CNTN4: variants seen among roughly 807,000 people sequenced by gnomAD.
CNTN4 encodes the protein contactin 4.
A neutral mutation model predicts 122.5 loss-of-function variants in CNTN4; 77 were observed. The observed-to-expected ratio is 0.63, with a 90% CI of 0.52 to 0.76. The LOEUF (loss-of-function observed/expected upper bound fraction) is 0.76. Ranked by LOEUF, CNTN4 falls within the 30% of genes least tolerant of loss-of-function variation. The pLI is 0.00. For synonymous variants in CNTN4, 512 were observed against 447.0 expected (o/e 1.15, Z -1.83); for missense variants, 1,256 against 1,259.1 (o/e 1.00, Z 0.04).
At chr3:2,987,519 A>G (rs1694687796) in intron 13 of CNTN4, among the ~76,000 whole-genome samples, 1 of 152,228 alleles carries the variant, frequency 6.6e-6, no homozygotes, top group Admixed American at 6.5e-5. Context: ...ATCTGAAATA[A>G]AAGAGAAATT....
intron 3 of CNTN4, among the ~76,000 whole-genome samples, chr3:2,497,094 G>A (rs929654357): frequency 2.0e-5 from 3 of 152,206 alleles, no homozygotes; most frequent in Admixed American, 2.0e-4. Context: ...ACGTCACAGA[G>A]ACACCCAAAA....
At chr3:2,384,781 T>TGTGTGTTC (rs1038856772) in intron 3 of CNTN4, among the ~76,000 whole-genome samples, 13 of 152,174 alleles carry the variant, frequency 8.5e-5, no homozygotes, top group Admixed American at 2.0e-4. Context: ...TGTGTGTGTG[T>TGTGTGTTC]GTGTGTGTTC....
intron 3 of CNTN4, among the ~76,000 whole-genome samples, chr3:2,346,507 T>G (rs1372466813): frequency 6.6e-6 from 1 of 152,190 alleles, no homozygotes; most frequent in East Asian, 1.9e-4. Context: ...CTATTAAATT[T>G]TTAGTAGCTT....
At chr3:2,207,419 A>G (rs2038410369) in intron 2 of CNTN4, among the ~76,000 whole-genome samples, 1 of 152,124 alleles carries the variant, frequency 6.6e-6, no homozygotes, top group East Asian at 1.9e-4. Context: ...AAACAAGGGA[A>G]AAGTTCTTAT....
chr3:3,030,645 C>T (rs1314558927), intron 15 of CNTN4, among the ~76,000 whole-genome samples: 5 of 152,308 alleles, frequency 3.3e-5, no homozygotes, highest in Admixed American at 6.5e-5. Flanking sequence ...AAGCCAGACA[C>T]CTGAGGTCTT....
intron 4 of CNTN4, among the ~76,000 whole-genome samples, chr3:2,733,411 A>G (rs1299466273): frequency 6.6e-6 from 1 of 152,182 alleles, no homozygotes; most frequent in Non-Finnish European, 1.5e-5. Context: ...TTTGACCAGT[A>G]CTTAAATATG....
chr3:2,309,964 C>G (rs575084125), intron 2 of CNTN4, among the ~76,000 whole-genome samples: 3 of 152,278 alleles, frequency 2.0e-5, no homozygotes, highest in East Asian at 3.9e-4. Context: ...TAAAAGCTTA[C>G]TTGTATTAAA....
intron 4 of CNTN4, among the ~76,000 whole-genome samples, chr3:2,716,115 C>G (rs2087480468): frequency 1.3e-5 from 2 of 152,082 alleles, no homozygotes; most frequent in East Asian, 1.9e-4. Context: ...CAGGTGTGCG[C>G]TACCATGCCT....
intron 7 of CNTN4, among the ~76,000 whole-genome samples, chr3:2,828,638 T>C (rs2093037630): frequency 6.6e-6 from 1 of 152,234 alleles, no homozygotes; most frequent in Admixed American, 6.5e-5. Context: ...AGTAGATATC[T>C]ATCTCAATTC....
chr3:2,873,676 C>T (rs1029639192), intron 8 of CNTN4, among the ~76,000 whole-genome samples: 1 of 152,184 alleles, frequency 6.6e-6, no homozygotes, highest in Non-Finnish European at 1.5e-5. Flanking sequence ...CATCAACAGC[C>T]ACTATTTTTC....
chr3:2,854,389 C>G (rs567370148), intron 7 of CNTN4, among the ~76,000 whole-genome samples: 5 of 148,952 alleles, frequency 3.4e-5, no homozygotes, highest in Non-Finnish European at 7.4e-5. Flanking sequence ...TTTCCTGCCT[C>G]AGCCTCCCAA....
intron 23 of CNTN4, among the ~76,000 whole-genome samples, chr3:3,044,795 C>G (rs1486677830): frequency 1.3e-5 from 2 of 152,192 alleles, no homozygotes; most frequent in South Asian, 2.1e-4. Flanking sequence ...CGAGCATAAG[C>G]TGAAGCAGGG....
chr3:2,540,937 G>A (rs191524335), intron 3 of CNTN4, among the ~76,000 whole-genome samples: 27 of 152,198 alleles, frequency 1.8e-4, no homozygotes, highest in South Asian at 1.2e-3. Context: ...TTATATTGGC[G>A]AGTACAGAAA....
intron 2 of CNTN4, among the ~76,000 whole-genome samples, chr3:2,139,972 G>A (rs1012112658): frequency 1.3e-5 from 2 of 152,222 alleles, no homozygotes; most frequent in African/African-American, 2.4e-5. Context: ...AGTGGGAGGT[G>A]ATTGAATCAT....
rs150134276 is a variant in CNTN4, at chr3:3,030,888, A to C, written c.1696A>C (p.Ile566Leu). The C allele has an allele frequency of 1.2e-6, 2 of 1,614,104 alleles. No homozygotes were observed. Among genetic ancestry groups the C allele is most frequent in the African/African-American group, 2.7e-5 (2 of 75,050 alleles). Reference sequence around the variant, plus strand: ...AGCTGGTGATTTGATGATCCGAAACATCCAACTGAAGCATGCTGGGAAATA... The same window carrying C: ...AGCTGGTGATTTGATGATCCGAAACCTCCAACTGAAGCATGCTGGGAAATA... ...DSAGDLMIRN[I>L]QLKHAGKYVC... The change falls in exon 16 of 25, where the codon ATC becomes CTC. Residue 566 changes from isoleucine to leucine, a missense_variant. Ile to Leu is a conservative substitution (Grantham distance 5, BLOSUM62 2). Transcript: ENST00000418658.
intron 4 of CNTN4, among the ~76,000 whole-genome samples, chr3:2,704,050 T>G (rs984734177): frequency 6.6e-6 from 1 of 151,892 alleles, no homozygotes; most frequent in Non-Finnish European, 1.5e-5. Context: ...CCCAGAACTT[T>G]GGGAGGCTGA....
intron 2 of CNTN4, among the ~76,000 whole-genome samples, chr3:2,207,997 G>C (rs1192853950): frequency 3.3e-5 from 5 of 152,064 alleles, no homozygotes; most frequent in Non-Finnish European, 5.9e-5. Flanking sequence ...TAAGAGCTCT[G>C]ATGGAGATAG....
At chr3:2,446,006 A>G (rs2048613131) in intron 3 of CNTN4, among the ~76,000 whole-genome samples, 1 of 152,132 alleles carries the variant, frequency 6.6e-6, no homozygotes. Flanking sequence ...TCTACTGTAT[A>G]GAAGGTATTC....
chr3:3,015,230 A>G (rs1458880088), intron 14 of CNTN4, among the ~76,000 whole-genome samples: 1 of 152,062 alleles, frequency 6.6e-6, no homozygotes, highest in Non-Finnish European at 1.5e-5. Flanking sequence ...GCATTTCAAC[A>G]ATTGCAGGGG....
Sources: gnomAD v4.1 joint callset for allele counts (sites outside exome capture counted in the v4.1 genomes callset) on GRCh38, gnomAD v4.1.1 for gene constraint, MANE v1.5 for transcripts, NCBI Gene and HGNC (gene_info 2026-07-23, HGNC 2026-07-21) for gene names.